FYN: variants seen among roughly 807,000 people sequenced by gnomAD.
FYN encodes FYN proto-oncogene, Src family tyrosine kinase.
FYN carries 10 observed loss-of-function variants against 70.2 expected under a neutral mutation model. The ratio of observed to expected loss-of-function variants is 0.14; its 90% CI spans 0.09 to 0.24. The LOEUF (loss-of-function observed/expected upper bound fraction) is 0.24, where lower values mean the gene tolerates loss of function less well. Among genes scored for constraint, FYN ranks in the 10% least tolerant of loss-of-function variants. FYN has a pLI of 1.00. For synonymous variants in FYN, 236 were observed against 248.6 expected, an observed-to-expected ratio of 0.95 and a Z score of 0.48; for missense variants, 319 against 673.1, an observed-to-expected ratio of 0.47 and a Z score of 5.82.
chr6:111,729,198 G>C (rs1801332724), intron 3 of FYN, among the ~76,000 whole-genome samples: 2 of 152,144 alleles, frequency 1.3e-5, no homozygotes, highest in African/African-American at 4.8e-5. Flanking sequence ...ACTCGGCCAG[G>C]TGTGGTGGTT....
chr6:111,821,740 A>C (rs1292167163), intron 2 of FYN, among the ~76,000 whole-genome samples: 1 of 151,668 alleles, frequency 6.6e-6, no homozygotes, highest in Non-Finnish European at 1.5e-5. Flanking sequence ...ACTCATCTGA[A>C]AAAGGGCTAA....
chr6:111,779,716 A>G (rs371693032), intron 3 of FYN, among the ~76,000 whole-genome samples: 4 of 152,166 alleles, frequency 2.6e-5, no homozygotes, highest in African/African-American at 9.7e-5. Flanking sequence ...GCAACATCAA[A>G]TGGATGTAAC....
At chr6:111,708,546 A>G (rs1167875923) in intron 5 of FYN, among the ~76,000 whole-genome samples, 3 of 152,158 alleles carry the variant, frequency 2.0e-5, no homozygotes, top group African/African-American at 7.2e-5. Flanking sequence ...GGATGAAGGC[A>G]TGCTCTAAAC....
chr6:111,732,594 C>T (rs1011553576), intron 3 of FYN, among the ~76,000 whole-genome samples: 3 of 152,188 alleles, frequency 2.0e-5, no homozygotes, highest in Non-Finnish European at 4.4e-5. Context: ...CTTTAGTGAG[C>T]CTCTGGCTTT....
chr6:111,778,912 A>G (rs1197699481), intron 3 of FYN, among the ~76,000 whole-genome samples: 1 of 152,042 alleles, frequency 6.6e-6, no homozygotes, highest in East Asian at 1.9e-4. Flanking sequence ...CACCCTTTCT[A>G]TTATACAGTT....
intron 9 of FYN, among the ~76,000 whole-genome samples, chr6:111,699,065 G>C (rs1019709961): frequency 6.6e-6 from 1 of 152,180 alleles, no homozygotes; most frequent in Admixed American, 6.5e-5. Flanking sequence ...CCTAGTGATA[G>C]AGCAAGACTC....
At chr6:111,710,924 G>A (rs1367856255) in intron 5 of FYN, among the ~76,000 whole-genome samples, 1 of 152,162 alleles carries the variant, frequency 6.6e-6, no homozygotes, top group Non-Finnish European at 1.5e-5. Context: ...GATATTCTTT[G>A]TTATCTTGCT....
intron 3 of FYN, among the ~76,000 whole-genome samples, chr6:111,780,311 C>T (rs1026234922): frequency 3.3e-5 from 5 of 152,258 alleles, no homozygotes; most frequent in South Asian, 2.1e-4. Context: ...ATTCTTTAAC[C>T]GGCATCCGGA....
At chr6:111,788,330 C>T (rs1305182630) in intron 2 of FYN, among the ~76,000 whole-genome samples, 2 of 152,222 alleles carry the variant, frequency 1.3e-5, no homozygotes, top group Non-Finnish European at 2.9e-5. Flanking sequence ...CATTCTGTTG[C>T]ATTCAAAGGG....
chr6:111,824,156 A>C (rs528054908), intron 2 of FYN, among the ~76,000 whole-genome samples: 69 of 152,318 alleles, frequency 4.5e-4, no homozygotes, highest in African/African-American at 1.6e-3. Context: ...CAAACTTTGG[A>C]AAGTTGAAAA....
chr6:111,705,283 G>A (rs1328370553), intron 6 of FYN, among the ~76,000 whole-genome samples: 1 of 151,856 alleles, frequency 6.6e-6, no homozygotes, highest in African/African-American at 2.4e-5. Context: ...GTACTTACTT[G>A]TATTTTGTTT....
chr6:111,751,997 GT>G (rs1359412398), intron 3 of FYN, among the ~76,000 whole-genome samples: 1 of 152,148 alleles, frequency 6.6e-6, no homozygotes, highest in Non-Finnish European at 1.5e-5. Context: ...TCCTAAGCAT[GT>G]AAATCAAGGA....
intron 13 of FYN, among the ~76,000 whole-genome samples, chr6:111,671,815 C>T (rs941077792): frequency 6.6e-6 from 1 of 152,148 alleles, no homozygotes; most frequent in Non-Finnish European, 1.5e-5. Flanking sequence ...CCTCTTGTTC[C>T]TTAGGAATTA....
At chr6:111,751,065 A>G (rs1216686910) in intron 3 of FYN, among the ~76,000 whole-genome samples, 2 of 152,242 alleles carry the variant, frequency 1.3e-5, no homozygotes, top group East Asian at 3.8e-4. Context: ...CAAAGCAAAA[A>G]GAATAGTTTC....
intron 3 of FYN, among the ~76,000 whole-genome samples, chr6:111,760,801 T>C (rs1802974096): frequency 6.6e-6 from 1 of 152,232 alleles, no homozygotes; most frequent in Admixed American, 6.5e-5. Context: ...TTTTTAGAAA[T>C]GCCAACCTTT....
At chr6:111,842,514 A>G (rs1418079307) in intron 2 of FYN, among the ~76,000 whole-genome samples, 1 of 152,092 alleles carries the variant, frequency 6.6e-6, no homozygotes, top group East Asian at 1.9e-4. Flanking sequence ...TACACCCCAA[A>G]GCCAATGTCC....
chr6:111,809,763 G>A (rs1269274995), intron 2 of FYN, among the ~76,000 whole-genome samples: 3 of 151,856 alleles, frequency 2.0e-5, no homozygotes, highest in East Asian at 3.9e-4. Flanking sequence ...AAAGAATATC[G>A]GTTTTCTACT....
At chr6:111,759,308 A>G (rs1315520609) in intron 3 of FYN, among the ~76,000 whole-genome samples, 2 of 152,088 alleles carry the variant, frequency 1.3e-5, no homozygotes, top group Non-Finnish European at 2.9e-5. Context: ...GAGTGATTTC[A>G]CTGGCACTTT....
intron 6 of FYN, 53 bp downstream of exon 6, chr6:111,707,869 C>T (rs562019809): frequency 2.9e-5 from 39 of 1,367,140 alleles, no homozygotes; most frequent in South Asian, 7.0e-5. Flanking sequence ...CATTTTATTG[C>T]GGCAATCAAC....
Sources: allele counts gnomAD v4.1 joint callset (sites outside exome capture counted in the v4.1 genomes callset), GRCh38; gene constraint gnomAD v4.1.1; transcripts MANE v1.5; gene names NCBI Gene and HGNC (gene_info 2026-07-23, HGNC 2026-07-21).